Variants in DHX9 observed in about 807,000 individuals in gnomAD.
DHX9 encodes the protein DExH-box helicase 9.
DHX9 carries 27 observed loss-of-function variants against 148.7 expected under a neutral mutation model. The observed-to-expected ratio is 0.18, with a 90% CI of 0.13 to 0.25. The LOEUF is 0.25. DHX9 is among the 10% of genes least tolerant of loss of function. The pLI, the probability that DHX9 is intolerant of heterozygous loss-of-function variation, is 1.00. For missense variants in DHX9, 796 were observed against 1,559.6 expected (o/e 0.51, Z 8.25); for synonymous variants, 529 against 516.6 (o/e 1.02, Z -0.33).
Position 182,860,087 on chromosome 1 carries a change from C to T in DHX9, c.1235C>T (p.Ala412Val). The part of the protein sequence containing the change: ...SQNSVVIIRG[A>V]TGCGKTTQVP... ...AATTCAGTTGTCATTATTAGAGGGG[C>T]TACTGGATGTGGGAAAACCACACAG... The change falls in exon 12 of 28, where the codon GCT becomes GTT. Residue 412 changes from alanine to valine, a missense_variant. Around this residue, in one of 14 missense-constraint regions of DHX9, gnomAD observed 58 missense variants for 122.8 expected, o/e 0.47. Transcript: ENST00000367549. The T allele has an allele frequency of 6.2e-7, 1 of 1,613,974 alleles. No homozygotes were observed. Among genetic ancestry groups the T allele is most frequent in the Non-Finnish European group, 8.5e-7 (1 of 1,179,958 alleles).
rs1290448328 is a variant in DHX9 at position 182,878,007 on chromosome 1, T to G, written c.2199-14T>G. 1 of 1,613,898 alleles carries G rather than the reference T, an allele frequency of 6.2e-7. No homozygotes were observed. The highest frequency in any genetic ancestry group is 1.1e-5 in the South Asian group (1 of 91,052). ...ACACATGAGTCTTAGAATTAACCAC[T>G]TTTTCCTATGTAGGCAGAAAGTGAA... On this transcript the variant is annotated splice_polypyrimidine_tract_variant and intron_variant, in intron 19 of 27. Transcript: ENST00000367549.
chr1:182,858,939 CTT>C (rs769975360), intron 10 of DHX9, 45 bp downstream of exon 10: 16 of 1,611,144 alleles, frequency 9.9e-6, no homozygotes, highest in Non-Finnish European at 1.4e-5. Flanking sequence ...GTGTTTTACT[CTT>C]GAGACTATAT....
intron 1 of DHX9, among the ~76,000 whole-genome samples, chr1:182,840,295 G>T (rs960172938): frequency 2.1e-5 from 3 of 145,202 alleles, no homozygotes; most frequent in Non-Finnish European, 4.5e-5. Context: ...TGGAATTCTT[G>T]CGCCTTTTTT....
At chr1:182,856,427 C>G (rs946599001) in intron 6 of DHX9, 105 bp from the exon 7 acceptor site, 9 of 826,334 alleles carry the variant, frequency 1.1e-5, no homozygotes, top group Non-Finnish European at 1.6e-5. Context: ...TTTTTTTTTT[C>G]TGTGATTTGC....
intron 12 of DHX9, among the ~76,000 whole-genome samples, chr1:182,860,693 C>T (rs1266622140): frequency 1.3e-5 from 2 of 152,216 alleles, no homozygotes; most frequent in Non-Finnish European, 2.9e-5. Flanking sequence ...CCAAGGTTAA[C>T]ACAGAAAGTG....
intron 11 of DHX9, 105 bp downstream of exon 11, chr1:182,859,222 A>G: frequency 2.1e-6 from 2 of 931,734 alleles, no homozygotes; most frequent in East Asian, 2.5e-5. Context: ...AGGAGGGCAT[A>G]TCAAAAGATA....
At chr1:182,880,688 G>T (rs1391954771) in intron 22 of DHX9, 80 bp downstream of exon 22, 4 of 929,056 alleles carry the variant, frequency 4.3e-6, no homozygotes, top group East Asian at 5.2e-5. Context: ...AGCAGTATTG[G>T]CTCAGATAGA....
chr1:182,883,398 AAAGTTG>A, intron 25 of DHX9, 30 bp downstream of exon 25: 6 of 1,599,782 alleles, frequency 3.8e-6, no homozygotes, highest in African/African-American at 1.3e-5. Context: ...GTTTACATTG[AAAGTTG>A]AAATTGTCTT....
chr1:182,875,673 A>G (rs1648729967), intron 16 of DHX9, among the ~76,000 whole-genome samples: 3 of 152,200 alleles, frequency 2.0e-5, no homozygotes, highest in African/African-American at 7.2e-5. Flanking sequence ...AAAATTTAGA[A>G]AAAGACCAAT....
chr1:182,850,079 T>G (rs545296932), intron 3 of DHX9, among the ~76,000 whole-genome samples: 4 of 151,302 alleles, frequency 2.6e-5, no homozygotes, highest in South Asian at 4.2e-4. Context: ...GGCACTGGAT[T>G]CTCTAATTAT....
In DHX9 at chr1:182,858,572, C is replaced by G. The variant is rs1422397355; in HGVS notation, c.832C>G (p.Leu278Val). Residue 278 changes from leucine to valine, a missense_variant, in exon 9 of 28, where the codon CTC becomes GTC. Leu to Val is a conservative substitution (Grantham distance 32). Around this residue, in one of 14 missense-constraint regions of DHX9, gnomAD observed 63 missense variants for 78.6 expected, o/e 0.80. Transcript: ENST00000367549. ...ATAGGTGGAGCCTTACAAAGTAAAC[C>G]TCTCTCAAGATTTAGAGCATCAGCT... ...GETVEPYKVN[L>V]SQDLEHQLQN... 1.9e-6 allele frequency: 3 copies of G among 1,609,968 alleles called. No individual in the cohort carries two copies. Among genetic ancestry groups the G allele is most frequent in the African/African-American group, 2.7e-5 (2 of 74,722 alleles).
intron 21 of DHX9, 151 bp downstream of exon 21, chr1:182,879,561 T>TA (rs1303855247): frequency 1.9e-5 from 11 of 585,404 alleles, no homozygotes; most frequent in African/African-American, 3.8e-5. Flanking sequence ...TTACCTTAGA[T>TA]AGTTAGTATA....
At position 182,845,401 on chromosome 1, in the gene DHX9, T is replaced by C. The variant is rs1196692241; in HGVS notation, c.252+1967T>C. Among the ~76,000 whole-genome samples the C allele has an allele frequency of 2.0e-5, 3 of 151,860 alleles. No individual in the cohort carries two copies. In the East Asian group the frequency reaches 5.8e-4, roughly 29 times the overall value. On this transcript the variant is annotated intron_variant, in intron 3 of 27. Coordinates refer to ENST00000367549, the MANE Select transcript of DHX9 (RefSeq NM_001357.5). Reference sequence around the variant, plus strand: ...ATGTAGAATTCTGGGGTACCAGATATTTTTTTCCCTCTTTTGGTATGTAAG... The same window carrying C: ...ATGTAGAATTCTGGGGTACCAGATACTTTTTTCCCTCTTTTGGTATGTAAG...
In DHX9 at chr1:182,852,295, A is replaced by G. The variant is rs1339547653; in HGVS notation, c.315A>G (p.Leu105=). The change falls in exon 4 of 28, where the codon TTA becomes TTG. Residue 105 remains leucine, a synonymous_variant. Coordinates refer to ENST00000367549, the MANE Select transcript of DHX9 (RefSeq NM_001357.5). ...CTACAGCAAATGCTGAAGGAGATTT[A>G]CCAACAACCATGGGAGGACCTCTTC... is the stretch of plus-strand genomic sequence containing the variant. The part of the protein sequence containing the change: ...PDTTANAEGD[L]PTTMGGPLPP... 1 of 1,613,272 alleles carries G rather than the reference A, an allele frequency of 6.2e-7. No homozygotes were observed. The highest frequency in any genetic ancestry group is 1.7e-5 in the Admixed American group (1 of 59,774).
At chr1:182,847,097 G>A (rs1317677709) in intron 3 of DHX9, among the ~76,000 whole-genome samples, 1 of 151,692 alleles carries the variant, frequency 6.6e-6, no homozygotes, top group African/African-American at 2.4e-5. Flanking sequence ...CTTTTCATTC[G>A]TTATAAGTGT....
chr1:182,845,534 C>A (rs1268022436), intron 3 of DHX9, among the ~76,000 whole-genome samples: 1 of 152,024 alleles, frequency 6.6e-6, no homozygotes, highest in Non-Finnish European at 1.5e-5. Flanking sequence ...TTCCACACAC[C>A]CCAAGCAAGC....
chr1:182,866,403 C>A, intron 12 of DHX9, 41 bp from the exon 13 acceptor site: 2 of 1,604,850 alleles, frequency 1.2e-6, no homozygotes, highest in Non-Finnish European at 1.7e-6. Flanking sequence ...GTATATCTAA[C>A]TTTGTAGTTG....
chr1:182,866,603 A>C lies in DHX9; in HGVS notation c.1474+18A>C. ...TACTGTAGGTCAGTAATGTATTTTGATTTTTCATTTGGGGTTTATATTGTG... is the reference window on the plus strand; with the variant it reads ...TACTGTAGGTCAGTAATGTATTTTGCTTTTTCATTTGGGGTTTATATTGTG... On this transcript the variant is annotated intron_variant, in intron 13 of 27. Coordinates refer to ENST00000367549, the MANE Select transcript of DHX9 (RefSeq NM_001357.5). 1 of 1,602,706 alleles carries C rather than the reference A, an allele frequency of 6.2e-7. No homozygotes were observed.
intron 24 of DHX9, among the ~76,000 whole-genome samples, chr1:182,881,864 G>C (rs1174984306): frequency 1.3e-5 from 2 of 152,062 alleles, no homozygotes; most frequent in Non-Finnish European, 2.9e-5. Context: ...TTAGCATTTA[G>C]ACTTGAAGTA....
Sources: allele counts gnomAD v4.1 joint callset (sites outside exome capture counted in the v4.1 genomes callset), GRCh38; gene constraint gnomAD v4.1.1; regional missense constraint gnomAD v4.1.1; transcripts MANE v1.5; gene names NCBI Gene and HGNC (gene_info 2026-07-23, HGNC 2026-07-21).